The following SMARCA2 variants were observed in gnomAD, a reference collection of about 807,000 sequenced individuals.
The protein encoded by SMARCA2 is SWI/SNF-related matrix-associated actin-dependent regulator of chromatin subfamily A member 2.
SMARCA2 carries 61 observed loss-of-function variants against 199.8 expected under a neutral mutation model. The ratio of observed to expected loss-of-function variants is 0.31; its 90% CI spans 0.25 to 0.38. The LOEUF is 0.38. Ranked by LOEUF, SMARCA2 falls within the 10% of genes least tolerant of loss-of-function variation. The pLI, the probability that SMARCA2 is intolerant of heterozygous loss-of-function variation, is 1.00. For synonymous variants in SMARCA2, 935 were observed against 732.0 expected (o/e 1.28, Z -4.48); for missense variants, 1,344 against 2,012.2 (o/e 0.67, Z 6.35).
intron 27 of SMARCA2, among the ~76,000 whole-genome samples, chr9:2,146,937 C>G (rs187327439): frequency 3.3e-5 from 5 of 152,246 alleles, no homozygotes; most frequent in African/African-American, 1.2e-4. Context: ...TTGTGCTGAC[C>G]TCCCATCTCA....
intron 2 of SMARCA2, among the ~76,000 whole-genome samples, chr9:2,029,680 A>C (rs1003860165): frequency 6.6e-6 from 1 of 152,248 alleles, no homozygotes; most frequent in African/African-American, 2.4e-5. Flanking sequence ...AGAAGGAAAA[A>C]GTCCTTATCT....
At chr9:2,080,030 T>C (rs1821498460) in intron 14 of SMARCA2, 1 of 152,244 alleles carries the variant, frequency 6.6e-6, no homozygotes, top group Non-Finnish European at 1.5e-5. Flanking sequence ...CCTGGAATCT[T>C]GACTAGCCAT....
At chr9:2,147,980 T>C (rs1824855091) in intron 27 of SMARCA2, among the ~76,000 whole-genome samples, 2 of 151,568 alleles carry the variant, frequency 1.3e-5, no homozygotes, top group African/African-American at 4.8e-5. Flanking sequence ...ATTACAGGTG[T>C]GAGCCACTAT....
Position 2,056,616 on chromosome 9 carries a change from G to A in SMARCA2, c.1174-56G>A. On this transcript the variant is annotated intron_variant, in intron 6 of 33. Transcript: ENST00000349721. This position sits in a 1 kb window ranked among gnomAD's most constrained non-coding sequence, Gnocchi z 4.0. ...TAAATGCAACCGCGAGAAGGCCAGAGTTCAGGAACCTAGCTTCTGTTAGGG... is the reference window on the plus strand; with the variant it reads ...TAAATGCAACCGCGAGAAGGCCAGAATTCAGGAACCTAGCTTCTGTTAGGG... The A allele has an allele frequency of 1.9e-6, 3 of 1,541,534 alleles. No homozygotes were observed. Among genetic ancestry groups the A allele is most frequent in the Non-Finnish European group, 1.8e-6 (2 of 1,137,034 alleles).
Position 2,086,788 on chromosome 9 carries a change from C to G in SMARCA2, c.2527-41C>G, listed in dbSNP as rs749876931. ...TGCTTGTTGGAAATAGTTGTATTTTCCCTTGCTTACTACACGTCCGTCCTT... is the reference window on the plus strand; with the variant it reads ...TGCTTGTTGGAAATAGTTGTATTTTGCCTTGCTTACTACACGTCCGTCCTT... On this transcript the variant is annotated intron_variant, in intron 17 of 33. Coordinates refer to ENST00000349721, the MANE Select transcript of SMARCA2 (RefSeq NM_003070.5). The surrounding 1 kb of genome is among the most constrained non-coding windows in gnomAD (Gnocchi z 4.3). 8.1e-6 allele frequency: 13 copies of G among 1,609,430 alleles called. No homozygotes were observed. Among genetic ancestry groups the G allele is most frequent in the Non-Finnish European group, 1.0e-5 (12 of 1,177,430 alleles).
Position 2,186,098 on chromosome 9 carries a change from C to A in SMARCA2, c.4464C>A (p.Ile1488=). Residue 1488 remains isoleucine (I), a splice_region_variant and synonymous_variant, in exon 32 of 34, where the codon ATC becomes ATA. Transcript: ENST00000349721. The part of the protein sequence containing the change: ...AQTFNLEGSQ[I]YEDSIVLQSV... The stretch of plus-strand genomic sequence containing the variant: ...CAGATGCCCCTTTGACCATTTAGAT[C>A]TATGAAGACTCCATCGTCTTACAGT... 1.2e-6 allele frequency: 2 copies of A among 1,613,774 alleles called. No individual in the cohort carries two copies. The highest frequency in any genetic ancestry group is 8.5e-7 in the Non-Finnish European group (1 of 1,179,770).
At position 2,164,276 on chromosome 9, in the gene SMARCA2, T is replaced by C. The variant is rs543103570; in HGVS notation, c.4199+2373T>C. ...CTAGAAACCATCCAGAAATACAGAT[T>C]GGTAGGAGATTATATGCCTTAAACC... On this transcript the variant is annotated intron_variant, in intron 28 of 33. Transcript: ENST00000349721. Among the ~76,000 whole-genome samples the C allele has an allele frequency of 2.0e-5, 3 of 152,288 alleles. No homozygotes were observed. In the South Asian group the frequency reaches 6.2e-4, roughly 32 times the overall value.
chr9:2,101,012 G>A (rs1822488661), intron 21 of SMARCA2, among the ~76,000 whole-genome samples: 1 of 152,226 alleles, frequency 6.6e-6, no homozygotes, highest in Admixed American at 6.5e-5. Context: ...GAGATCTCGT[G>A]AGACTTATTC....
intron 30 of SMARCA2, 101 bp from the exon 31 acceptor site, chr9:2,182,040 C>G: frequency 1.2e-6 from 1 of 828,962 alleles, no homozygotes; most frequent in Non-Finnish European, 2.1e-6. Flanking sequence ...GGGCTTTATG[C>G]TGTGAAGACA....
chr9:2,172,528 C>G (rs1826311274), intron 29 of SMARCA2, among the ~76,000 whole-genome samples: 2 of 152,192 alleles, frequency 1.3e-5, no homozygotes, highest in Non-Finnish European at 2.9e-5. Flanking sequence ...ACTACACCAT[C>G]TCAGTGTGAC....
intron 24 of SMARCA2, among the ~76,000 whole-genome samples, chr9:2,111,451 C>T (rs1289423669): frequency 6.7e-6 from 1 of 148,242 alleles, no homozygotes; most frequent in Admixed American, 6.8e-5. Flanking sequence ...ATGATCGTAC[C>T]ACCGCTCTCC....
chr9:2,123,604 G>T lies in SMARCA2; in HGVS notation c.3763-115G>T, dbSNP rs944596899. ...AGAACAAGCCAACCAGGATGAGAGA[G>T]GTTGAAAGGGACCCTGCAGCCATAG... On this transcript the variant is annotated intron_variant, in intron 26 of 33. Coordinates refer to ENST00000349721, the MANE Select transcript of SMARCA2 (RefSeq NM_003070.5). This position sits in a 1 kb window ranked among gnomAD's most constrained non-coding sequence, Gnocchi z 4.1. 1 of 860,300 alleles carries T rather than the reference G, an allele frequency of 1.2e-6. No individual in the cohort carries two copies. Among genetic ancestry groups the T allele is most frequent in the African/African-American group, 1.7e-5 (1 of 60,392 alleles). 53.3% of individuals were successfully genotyped at this position (860,300 alleles called of 1,614,324 possible). A position where few individuals can be genotyped will look rare whatever the true frequency, so the allele number is the denominator to read the frequency against.
At chr9:2,157,702 C>G (rs904366906) in intron 27 of SMARCA2, 5 of 383,618 alleles carry the variant, frequency 1.3e-5, no homozygotes, top group Non-Finnish European at 1.8e-5. Flanking sequence ...GAGGTGGAAA[C>G]GATGCGCAGG....
At chr9:2,158,179 A>G (rs1825475693) in intron 27 of SMARCA2, 1 of 234,800 alleles carries the variant, frequency 4.3e-6, no homozygotes, top group African/African-American at 2.5e-5. Context: ...AAAAAAAAAA[A>G]AAAAAGGTTG....
chr9:2,101,656 G>A (rs932138730), intron 22 of SMARCA2, 40 bp downstream of exon 22: 4 of 1,108,628 alleles, frequency 3.6e-6, no homozygotes, highest in Non-Finnish European at 5.4e-6. Context: ...AAAAAATGTT[G>A]TTGGCCTTAC....
intron 15 of SMARCA2, 129 bp downstream of exon 15, chr9:2,082,124 G>A (rs931664945): frequency 3.0e-5 from 23 of 763,638 alleles, no homozygotes; most frequent in Non-Finnish European, 1.9e-5. Context: ...ATTACCAAGA[G>A]CATGTAATCT....
chr9:2,036,096 T>A (rs917265533), intron 3 of SMARCA2, among the ~76,000 whole-genome samples: 2 of 152,194 alleles, frequency 1.3e-5, no homozygotes, highest in African/African-American at 2.4e-5. Flanking sequence ...CTGAATTGTG[T>A]ACCTTATGGT....
chr9:2,033,878 TA>T (rs1819181554), intron 3 of SMARCA2, among the ~76,000 whole-genome samples: 1 of 152,200 alleles, frequency 6.6e-6, no homozygotes, highest in Non-Finnish European at 1.5e-5. Context: ...GTCTTCTTTT[TA>T]TGGGGGCCAT....
intron 29 of SMARCA2, among the ~76,000 whole-genome samples, chr9:2,173,523 TG>T (rs1227819287): frequency 6.6e-5 from 10 of 152,210 alleles, no homozygotes; most frequent in African/African-American, 2.4e-4. Context: ...AAATTTTAGG[TG>T]TAGGTGAAGC....
Sources: gnomAD v4.1 joint callset for allele counts (sites outside exome capture counted in the v4.1 genomes callset) on GRCh38, gnomAD v4.1.1 for gene constraint, Gnocchi (gnomAD v3.1) non-coding constraint, MANE v1.5 for transcripts, NCBI Gene and HGNC (gene_info 2026-07-23, HGNC 2026-07-21) for gene names.